Variants in PALB2 observed in about 807,000 individuals in gnomAD.
The protein encoded by PALB2 is partner and localizer of BRCA2.
PALB2 carries 82 observed loss-of-function variants against 107.4 expected under a neutral mutation model. That is an observed-to-expected ratio of 0.76 (90% CI 0.64 to 0.92). The LOEUF (loss-of-function observed/expected upper bound fraction) is 0.92, where lower values mean the gene tolerates loss of function less well. Among genes scored for constraint, PALB2 ranks in the 40% least tolerant of loss-of-function variants. The pLI is 0.00. For missense variants in PALB2, 1,374 were observed against 1,379.9 expected (o/e 1.00, Z 0.07); for synonymous variants, 489 against 496.8 (o/e 0.98, Z 0.21).
rs1465745143 is a variant in PALB2 at position 23,623,047 on chromosome 16, G to C, written c.2918C>G (p.Thr973Arg). Reference protein sequence around the residue: ...SGNIKAVLGLTKRRLVSSSGT... With the variant: ...SGNIKAVLGLRKRRLVSSSGT... ...ACTGCTACTAACTAGCCTCCTCTTT[G>C]TCAGGCCAAGCACAGCTTTTATATT... Residue 973 changes from threonine (T) to arginine (R), a missense_variant, in exon 9 of 13, where the codon ACA (threonine) becomes AGA (arginine). Thr to Arg is a moderately conservative substitution (Grantham distance 71). Transcript: ENST00000261584. 1 of 1,614,012 alleles carries C rather than the reference G, an allele frequency of 6.2e-7. No individual in the cohort carries two copies. The highest frequency in any genetic ancestry group is 1.7e-5 in the Admixed American group (1 of 59,988).
intron 11 of PALB2, among the ~76,000 whole-genome samples, chr16:23,609,577 G>C (rs1481437101): frequency 1.3e-5 from 2 of 152,134 alleles, no homozygotes; most frequent in Non-Finnish European, 2.9e-5. Context: ...GCGTGCAGTG[G>C]TGCGATGTCT....
In PALB2 at chr16:23,617,075, A is replaced by T. The variant is rs148440451; in HGVS notation, c.3114-2984T>A. On this transcript the variant is annotated intron_variant, in intron 10 of 12. Coordinates refer to ENST00000261584, the MANE Select transcript of PALB2 (RefSeq NM_024675.4). ...CGTGATCTGCCCACCTCGGCCTCCC[A>T]AAGTGCTGGGATTACAGGCGTGAGC... Among the ~76,000 whole-genome samples the T allele has an allele frequency of 2.9e-4, 44 of 152,244 alleles. No homozygotes were observed. In the East Asian group the frequency reaches 8.1e-3, roughly 28 times the overall value.
At chr16:23,624,695 G>A (rs1026672254) in intron 7 of PALB2, among the ~76,000 whole-genome samples, 7 of 152,168 alleles carry the variant, frequency 4.6e-5, no homozygotes, top group Admixed American at 2.0e-4. Flanking sequence ...ATTTTTAGGA[G>A]AGACGGGGTT....
chr16:23,641,064 A>G, intron 1 of PALB2, 46 bp downstream of exon 1: 2 of 1,605,664 alleles, frequency 1.2e-6, no homozygotes, highest in South Asian at 2.2e-5. Context: ...AACCCTGGGA[A>G]AGCGGGGTCA....
At chr16:23,640,666 A>G (rs1967206109) in intron 1 of PALB2, 1 of 248,730 alleles carries the variant, frequency 4.0e-6, no homozygotes, top group Non-Finnish European at 7.9e-6. Flanking sequence ...CATACCATTT[A>G]TGAACATTCC....
intron 12 of PALB2, among the ~76,000 whole-genome samples, chr16:23,606,493 A>G (rs1349078539): frequency 6.6e-6 from 1 of 152,320 alleles, no homozygotes; most frequent in Middle Eastern, 3.4e-3. Flanking sequence ...GTCCAAAAAA[A>G]CATGTATTGT....
Position 23,635,142 on chromosome 16 carries a change from T to C in PALB2, c.1404A>G (p.Thr468=), listed in dbSNP as rs1567221054. ...TDQSEIRMSG[T]CTGQPSSRTS... ...TTCTTGAACTTGGTTGTCCTGTGCATGTGCCAGACATCCTAATTTCACTTT... is the reference window on the plus strand; with the variant it reads ...TTCTTGAACTTGGTTGTCCTGTGCACGTGCCAGACATCCTAATTTCACTTT... The change falls in exon 4 of 13, where the codon ACA becomes ACG. Residue 468 remains threonine (T), a synonymous_variant. Coordinates refer to ENST00000261584, the MANE Select transcript of PALB2 (RefSeq NM_024675.4). 1 of 1,614,232 alleles carries C rather than the reference T, an allele frequency of 6.2e-7. No homozygotes were observed. Among genetic ancestry groups the C allele is most frequent in the Non-Finnish European group, 8.5e-7 (1 of 1,180,046 alleles).
intron 4 of PALB2, among the ~76,000 whole-genome samples, chr16:23,631,292 A>T (rs900098058): frequency 1.1e-4 from 17 of 149,090 alleles, no homozygotes; most frequent in East Asian, 3.9e-4. Flanking sequence ...AAAAAAAAAA[A>T]AAAAAAAAAA....
chr16:23,627,939 GGAC>G (rs531319965), intron 6 of PALB2, among the ~76,000 whole-genome samples: 92 of 152,284 alleles, frequency 6.0e-4, no homozygotes, highest in South Asian at 1.4e-3. Flanking sequence ...TAAGTTATTA[GGAC>G]ACTGGGCATG....
intron 9 of PALB2, among the ~76,000 whole-genome samples, chr16:23,622,579 A>G (rs1966791383): frequency 6.6e-6 from 1 of 152,106 alleles, no homozygotes; most frequent in African/African-American, 2.4e-5. Flanking sequence ...AATTTTTTGT[A>G]AAGATGGGGC....
Position 23,636,281 on chromosome 16 carries a change from C to G in PALB2, c.265G>C (p.Asp89His), listed in dbSNP as rs769790850. 3 of 1,613,716 alleles carry G rather than the reference C, an allele frequency of 1.9e-6. No individual in the cohort carries two copies. The highest frequency in any genetic ancestry group is 3.3e-5 in the Admixed American group (2 of 59,968). ...GATGTCTTTTCTCCAGTTTCTTCAT[C>G]AAGATGGGTTTTGATGTGTAACTTG... ...YDKLHIKTHL[D>H]EETGEKTSIT... The change falls in exon 4 of 13, where the codon GAT becomes CAT. Residue 89 changes from aspartate to histidine, a missense_variant. Asp to His is a moderately conservative substitution (Grantham distance 81). Transcript: ENST00000261584.
At chr16:23,638,008 C>G (rs555833808) in intron 2 of PALB2, 56 bp from the exon 3 acceptor site, 2 of 1,603,924 alleles carry the variant, frequency 1.2e-6, no homozygotes, top group African/African-American at 1.3e-5. Flanking sequence ...TTTATAGAGT[C>G]AAGAACTGTT....
At chr16:23,615,857 G>A (rs948668216) in intron 10 of PALB2, among the ~76,000 whole-genome samples, 14 of 151,076 alleles carry the variant, frequency 9.3e-5, no homozygotes, top group East Asian at 7.8e-4. Context: ...TAGACACGGG[G>A]TACACCATGT....
intron 8 of PALB2, 152 bp from the exon 9 acceptor site, chr16:23,623,282 C>A (rs1966809143): frequency 4.3e-6 from 3 of 693,506 alleles, no homozygotes; most frequent in Non-Finnish European, 7.1e-6. Flanking sequence ...TGGCTCACTG[C>A]AACTCTGCCT....
rs876659378 is a variant in PALB2 at position 23,621,447 on chromosome 16, CA to C, written c.3027del (p.Glu1010ArgfsTer5). On this transcript the variant is annotated frameshift_variant, in exon 10 of 13. Transcript: ENST00000261584. LOFTEE classifies it high-confidence loss of function. Reference protein sequence around the residue: ...GGKENQFLMPPEETILTFAEV... With the variant: ...GGKENQFLMPXEETILTFAEV... ...TCAGCAAAAGTTAGTATAGTCTCCT[CA>C]GGGGGCATCAAAAATTGGTTTTCTT... 6.2e-7 allele frequency: 1 copy of C among 1,614,062 alleles called. No individual in the cohort carries two copies. The highest frequency in any genetic ancestry group is 1.3e-5 in the African/African-American group (1 of 75,048).
rs750048627 is a variant in PALB2 at position 23,629,910 on chromosome 16, T to C, written c.2244A>G (p.Thr748=). The C allele has an allele frequency of 5.4e-5, 87 of 1,614,094 alleles. 1 individual carries two copies. The highest frequency in any genetic ancestry group is 5.2e-5 in the Non-Finnish European group (61 of 1,180,052). ...GPQGSYEKAS[T]EVAGRTCCTP... is the part of the protein sequence containing the mutation. ...TGCAGCAAGTTCGTCCAGCAACTTC[T>C]GTAGATGCTTTTTCATAGGAGCCTT... Residue 748 remains threonine, a synonymous_variant, in exon 5 of 13, where the codon ACA becomes ACG. Coordinates refer to ENST00000261584, the MANE Select transcript of PALB2 (RefSeq NM_024675.4).
At chr16:23,625,320 A>C (rs1034232266) in intron 7 of PALB2, among the ~76,000 whole-genome samples, 1 of 151,724 alleles carries the variant, frequency 6.6e-6, no homozygotes, top group Non-Finnish European at 1.5e-5. Context: ...GCAACAGAGT[A>C]TGACTCTCTC....
In PALB2 at chr16:23,638,080, G is replaced by A. The variant is rs780769645; in HGVS notation, c.98C>T (p.Ala33Val). ...ATACGATTCACTTACCTGAAGGCGG[G>A]CTAGTGTCTTGCTGTATTCCCTTTT... is the stretch of plus-strand genomic sequence containing the variant. ...FLKREYSKTL[A>V]RLQRAQRAEK... Residue 33 changes from alanine to valine, a missense_variant, in exon 2 of 13, where the codon GCC (alanine) becomes GTC (valine). Coordinates refer to ENST00000261584, the MANE Select transcript of PALB2 (RefSeq NM_024675.4). 6.2e-7 allele frequency: 1 copy of A among 1,613,866 alleles called. No homozygotes were observed. Among genetic ancestry groups the A allele is most frequent in the Non-Finnish European group, 8.5e-7 (1 of 1,179,752 alleles).
chr16:23,619,450 C>T (rs1027982284), intron 10 of PALB2, among the ~76,000 whole-genome samples: 2 of 151,906 alleles, frequency 1.3e-5, no homozygotes, highest in South Asian at 2.1e-4. Context: ...TAGGTTCCAG[C>T]GATTCTCCTG....
Sources: gnomAD v4.1 joint callset for allele counts (sites outside exome capture counted in the v4.1 genomes callset) on GRCh38, gnomAD v4.1.1 for gene constraint, MANE v1.5 for transcripts, NCBI Gene and HGNC (gene_info 2026-07-23, HGNC 2026-07-21) for gene names.